The following TMEM212 variants were observed in gnomAD, a reference collection of about 807,000 sequenced individuals.
The protein encoded by TMEM212 is transmembrane protein 212.
Under a neutral mutation model 20.5 loss-of-function variants are expected in TMEM212, and 23 were observed. That is an observed-to-expected ratio of 1.12 (90% CI 0.81 to 1.59). TMEM212 has a LOEUF of 1.59. Ranked by LOEUF, TMEM212 falls within the 40% of genes most tolerant of loss-of-function variation. The pLI is 0.00. For synonymous variants in TMEM212, 76 were observed against 81.6 expected (o/e 0.93, Z 0.37); for missense variants, 211 against 215.0 (o/e 0.98, Z 0.12).
rs372792930 is a variant in TMEM212 at position 171,855,868 on chromosome 3, G to C, written c.544-795G>C. ...GGATTATTAAAAGTTAAAATAGTGG[G>C]AGCATAAAATACATTTTTGGTAAAG... On this transcript the variant is annotated intron_variant, in intron 3 of 4. Transcript: ENST00000334567. 6.6e-5 allele frequency among the ~76,000 whole-genome samples: 10 copies of C among 152,238 alleles called. No individual in the cohort carries two copies. In the East Asian group the frequency reaches 7.7e-4, roughly 12 times the overall value.
At position 171,859,317 on chromosome 3, in the gene TMEM212, T is replaced by C. The variant is rs1725200545; in HGVS notation, c.*1260T>C. 6.6e-6 allele frequency: 1 copy of C among 151,838 alleles called. No individual in the cohort carries two copies. Among genetic ancestry groups the C allele is most frequent in the Non-Finnish European group, 1.5e-5 (1 of 67,924 alleles). The allele number at this position is 151,838 out of a possible 1,614,324, so 9.4% of individuals were successfully genotyped here. ...AGTATAATAAAAAAAAAGAAAACAGTGTGGAGGCTCCTCCAAAAATTAAAA... is the reference window on the plus strand; with the variant it reads ...AGTATAATAAAAAAAAAGAAAACAGCGTGGAGGCTCCTCCAAAAATTAAAA... On this transcript the variant is annotated 3_prime_UTR_variant, in exon 5 of 5. Coordinates refer to ENST00000334567, the MANE Select transcript of TMEM212 (RefSeq NM_001164436.2).
chr3:171,853,999 G>C, intron 3 of TMEM212, 149 bp downstream of exon 3: 100 of 636,630 alleles, frequency 1.6e-4, no homozygotes, highest in South Asian at 5.3e-4. Context: ...AATAGGTACT[G>C]AATAATTGTT....
chr3:171,853,927 T>A (rs1725053122), intron 3 of TMEM212, 77 bp downstream of exon 3: 1 of 1,133,112 alleles, frequency 8.8e-7, no homozygotes, highest in Non-Finnish European at 1.2e-6. Flanking sequence ...TGTGAACAGT[T>A]GATCTTTCTC....
At chr3:171,854,584 T>C (rs1267545931) in intron 3 of TMEM212, among the ~76,000 whole-genome samples, 2 of 152,214 alleles carry the variant, frequency 1.3e-5, no homozygotes, top group African/African-American at 4.8e-5. Context: ...AAGCGATCTA[T>C]AGACTCAGGG....
intron 1 of TMEM212, among the ~76,000 whole-genome samples, chr3:171,850,835 CTGTG>C (rs141008600): frequency 8.6e-5 from 13 of 151,430 alleles, no homozygotes; most frequent in South Asian, 4.2e-4. Flanking sequence ...AAGTGTGTGT[CTGTG>C]TGTGTGTGTG....
rs765099291 is a variant in TMEM212, at chr3:171,852,052, C to G, written c.219+11C>G. ...ACCCAGAGGTACCTGGTAAATATAC[C>G]GATGCCAAGTAGGATGGTAGAGAGG... On this transcript the variant is annotated intron_variant, in intron 2 of 4. Coordinates refer to ENST00000334567, the MANE Select transcript of TMEM212 (RefSeq NM_001164436.2). The G allele has an allele frequency of 6.5e-7, 1 of 1,534,076 alleles. No individual in the cohort carries two copies. Among genetic ancestry groups the G allele is most frequent in the Non-Finnish European group, 8.7e-7 (1 of 1,144,324 alleles).
chr3:171,854,547 AT>A (rs984177574), intron 3 of TMEM212, among the ~76,000 whole-genome samples: 5 of 152,378 alleles, frequency 3.3e-5, no homozygotes, highest in Admixed American at 6.5e-5. Context: ...AGGAGAATTA[AT>A]GTTGTTAAAA....
At chr3:171,848,315 C>G (rs1385872431) in intron 1 of TMEM212, among the ~76,000 whole-genome samples, 17 of 152,152 alleles carry the variant, frequency 1.1e-4, no homozygotes, top group Admixed American at 1.1e-3. Flanking sequence ...ACACTGCAGG[C>G]AGCAATGCCC....
chr3:171,854,653 T>C (rs974892132), intron 3 of TMEM212, among the ~76,000 whole-genome samples: 7 of 152,196 alleles, frequency 4.6e-5, no homozygotes, highest in South Asian at 2.1e-4. Flanking sequence ...TAATCTTAAA[T>C]GTGCATAGAT....
intron 4 of TMEM212, chr3:171,856,938 AT>A: frequency 2.9e-6 from 1 of 346,854 alleles, no homozygotes; most frequent in Non-Finnish European, 5.2e-6. Context: ...TTAATTAAAC[AT>A]GCTAAATGGG....
Position 171,858,491 on chromosome 3 carries a change from C to A in TMEM212, c.*434C>A, listed in dbSNP as rs1725168738. The A allele has an allele frequency of 1.3e-5, 2 of 152,194 alleles. No individual in the cohort carries two copies. Among genetic ancestry groups the A allele is most frequent in the South Asian group, 2.1e-4 (1 of 4,832 alleles). 9.4% of individuals were successfully genotyped at this position (152,194 alleles called of 1,614,324 possible). ...ACCCTAGAAGAAAACCTAGGCAATA[C>A]CATTCAGGACATAGGCATGGGCAAA... On this transcript the variant is annotated 3_prime_UTR_variant, in exon 5 of 5. Transcript: ENST00000334567.
Position 171,853,718 on chromosome 3 carries a change from CCCA to C in TMEM212, c.416_418del (p.Pro139del). ...CAAAATTCCCATTAGCCTGTGTGGA[CCCA>C]CCACACTACGAAGAGTACCACCTGA... On this transcript the variant is annotated inframe_deletion, in exon 3 of 5. Transcript: ENST00000334567. 6.5e-7 allele frequency: 1 copy of C among 1,537,424 alleles called. No individual in the cohort carries two copies. Among genetic ancestry groups the C allele is most frequent in the Non-Finnish European group, 8.7e-7 (1 of 1,146,902 alleles).
intron 4 of TMEM212, among the ~76,000 whole-genome samples, chr3:171,857,796 T>C (rs1334248678): frequency 6.6e-6 from 1 of 152,178 alleles, no homozygotes; most frequent in Non-Finnish European, 1.5e-5. Context: ...TGAGAAGCTC[T>C]TTAACATTAC....
intron 4 of TMEM212, among the ~76,000 whole-genome samples, chr3:171,857,236 A>C (rs907063228): frequency 3.9e-5 from 6 of 152,240 alleles, no homozygotes; most frequent in African/African-American, 9.6e-5. Flanking sequence ...TAAAAAAAAA[A>C]CTCACACACA....
intron 1 of TMEM212, among the ~76,000 whole-genome samples, chr3:171,844,472 C>T (rs1578512202): frequency 6.6e-6 from 1 of 152,156 alleles, no homozygotes; most frequent in African/African-American, 2.4e-5. Flanking sequence ...CTTTGGGAAG[C>T]CAAGGGGAGC....
rs1047425327 is a variant in TMEM212 at position 171,859,171 on chromosome 3, G to T, written c.*1114G>T. The T allele has an allele frequency of 6.6e-6, 1 of 151,960 alleles. No homozygotes were observed. Among genetic ancestry groups the T allele is most frequent in the South Asian group, 2.1e-4 (1 of 4,806 alleles). 9.4% of individuals were successfully genotyped at this position (151,960 alleles called of 1,614,324 possible). A position where few individuals can be genotyped will look rare whatever the true frequency, so the allele number is the denominator to read the frequency against. ...TTCAGTGGGTGGGAGGCTGGGGGAG[G>T]GATAGCATTAGGAGAAATTCCTAAT... On this transcript the variant is annotated 3_prime_UTR_variant, in exon 5 of 5. Coordinates refer to ENST00000334567, the MANE Select transcript of TMEM212 (RefSeq NM_001164436.2).
Position 171,858,742 on chromosome 3 carries a change from C to T in TMEM212, c.*685C>T, listed in dbSNP as rs1441427599. On this transcript the variant is annotated 3_prime_UTR_variant, in exon 5 of 5. Transcript: ENST00000334567. Reference sequence around the variant, plus strand: ...AATTTACAAGAAAAAAACAAACAACCACATCAAAAAGTAGGCAAAGGACAT... The same window carrying T: ...AATTTACAAGAAAAAAACAAACAACTACATCAAAAAGTAGGCAAAGGACAT... 200 of 151,834 alleles carry T rather than the reference C, an allele frequency of 1.3e-3. 1 individual carries two copies. The highest frequency in any genetic ancestry group is 4.5e-3 in the African/African-American group (187 of 41,202). The allele number at this position is 151,834 out of a possible 1,614,324, so 9.4% of individuals were successfully genotyped here.
At chr3:171,851,626 G>C (rs953245593) in intron 1 of TMEM212, among the ~76,000 whole-genome samples, 14 of 152,318 alleles carry the variant, frequency 9.2e-5, no homozygotes, top group African/African-American at 3.4e-4. Flanking sequence ...CAGTTTGTGA[G>C]AAAGGTGAAC....
intron 3 of TMEM212, among the ~76,000 whole-genome samples, chr3:171,854,189 G>C (rs1659489785): frequency 6.6e-6 from 1 of 151,770 alleles, no homozygotes; most frequent in African/African-American, 2.4e-5. Context: ...GAGCAATTAG[G>C]CAAGAAAAAG....
Sources: allele counts gnomAD v4.1 joint callset (sites outside exome capture counted in the v4.1 genomes callset), GRCh38; gene constraint gnomAD v4.1.1; transcripts MANE v1.5; gene names NCBI Gene and HGNC (gene_info 2026-07-23, HGNC 2026-07-21).